DPP10: variants seen among roughly 807,000 people sequenced by gnomAD.
The protein encoded by DPP10 is dipeptidyl peptidase like 10.
DPP10 carries 33 observed loss-of-function variants against 120.9 expected under a neutral mutation model. The ratio of observed to expected loss-of-function variants is 0.27; its 90% CI spans 0.21 to 0.37. The LOEUF is 0.37. Ranked by LOEUF, DPP10 falls within the 10% of genes least tolerant of loss-of-function variation. The probability of loss-of-function intolerance (pLI) is 1.00; values close to 1 mark genes in which losing one functional copy is unlikely to be tolerated. For missense variants in DPP10, 816 were observed against 942.8 expected, an observed-to-expected ratio of 0.87 and a Z score of 1.76; for synonymous variants, 337 against 326.1, an observed-to-expected ratio of 1.03 and a Z score of -0.36.
intron 5 of DPP10, among the ~76,000 whole-genome samples, chr2:115,538,800 T>G (rs1170148184): frequency 6.6e-6 from 1 of 152,006 alleles, no homozygotes; most frequent in African/African-American, 2.4e-5. Flanking sequence ...ACCAGCCACA[T>G]GTGTCTATTG....
At chr2:114,956,137 A>G (rs546900905) in intron 1 of DPP10, among the ~76,000 whole-genome samples, 4 of 152,168 alleles carry the variant, frequency 2.6e-5, no homozygotes, top group Non-Finnish European at 5.9e-5. Flanking sequence ...TTCAAAAAGG[A>G]AAATAAAGAG....
chr2:114,451,474 G>A (rs895356362), intron 1 of DPP10, among the ~76,000 whole-genome samples: 2 of 152,010 alleles, frequency 1.3e-5, no homozygotes, highest in Admixed American at 1.3e-4. Flanking sequence ...GGGAAGGGAG[G>A]CATTCACAAA....
chr2:115,298,812 C>G, intron 1 of DPP10, among the ~76,000 whole-genome samples: 1 of 151,944 alleles, frequency 6.6e-6, no homozygotes, highest in Non-Finnish European at 1.5e-5. Context: ...TCCTACTGGT[C>G]CATGGACTGC....
intron 1 of DPP10, among the ~76,000 whole-genome samples, chr2:114,977,737 C>A (rs1290557324): frequency 6.6e-6 from 1 of 152,086 alleles, no homozygotes; most frequent in Non-Finnish European, 1.5e-5. Flanking sequence ...TGGTTTACTT[C>A]TAGTATTCTT....
intron 1 of DPP10, among the ~76,000 whole-genome samples, chr2:114,580,437 C>T (rs1690403141): frequency 6.6e-6 from 1 of 152,174 alleles, no homozygotes; most frequent in African/African-American, 2.4e-5. Context: ...AAATGGTTCT[C>T]TATTTTCAAC....
chr2:115,076,686 T>C (rs1432220174), intron 1 of DPP10, among the ~76,000 whole-genome samples: 1 of 152,206 alleles, frequency 6.6e-6, no homozygotes, highest in Non-Finnish European at 1.5e-5. Flanking sequence ...ACTAATTCAT[T>C]CCAAGTTCTA....
chr2:114,534,235 T>A (rs1427489832), intron 1 of DPP10, among the ~76,000 whole-genome samples: 5 of 152,204 alleles, frequency 3.3e-5, no homozygotes, highest in Non-Finnish European at 5.9e-5. Context: ...CATAGCTTTA[T>A]GTTCCTTTTT....
At chr2:115,399,294 TTC>T (rs1184155335) in intron 3 of DPP10, among the ~76,000 whole-genome samples, 2 of 152,306 alleles carry the variant, frequency 1.3e-5, no homozygotes, top group East Asian at 3.9e-4. Flanking sequence ...GGATAATTAT[TTC>T]TGTTTCTTTT....
chr2:115,183,640 T>G (rs1459456504), intron 1 of DPP10, among the ~76,000 whole-genome samples: 1 of 152,236 alleles, frequency 6.6e-6, no homozygotes, highest in East Asian at 1.9e-4. Flanking sequence ...GATTGGTATT[T>G]ATAATATCTT....
chr2:114,581,173 C>CTT lies in DPP10; in HGVS notation c.60+138361_60+138362dup, dbSNP rs70937291. On this transcript the variant is annotated intron_variant, in intron 1 of 25. Coordinates refer to ENST00000410059, the MANE Select transcript of DPP10 (RefSeq NM_020868.6). ...AAACATCATTTTCTTTTTTTCTTCT[C>CTT]TTTTTTTTTTTTTTTTTTTTTTTTT... Among the ~76,000 whole-genome samples, 29 of 77,898 alleles carry CTT rather than the reference C, an allele frequency of 3.7e-4. 1 individual carries two copies. The highest frequency in any genetic ancestry group is 1.8e-3 in the South Asian group (3 of 1,694). 51.1% of individuals were successfully genotyped at this position (77,898 alleles called of 152,430 possible). A position where few individuals can be genotyped will look rare whatever the true frequency, so the allele number is the denominator to read the frequency against.
intron 3 of DPP10, among the ~76,000 whole-genome samples, chr2:115,386,225 C>CA (rs2066920385): frequency 6.6e-6 from 1 of 151,982 alleles, no homozygotes; most frequent in Non-Finnish European, 1.5e-5. Context: ...TGCCCCAAGT[C>CA]AAACTAAAAT....
chr2:114,918,823 C>T (rs1185568622), intron 1 of DPP10, among the ~76,000 whole-genome samples: 1 of 151,874 alleles, frequency 6.6e-6, no homozygotes, highest in East Asian at 1.9e-4. Flanking sequence ...AGGGTGAGGA[C>T]CGTAAAACTA....
At chr2:114,505,951 C>G (rs1683619035) in intron 1 of DPP10, among the ~76,000 whole-genome samples, 1 of 152,198 alleles carries the variant, frequency 6.6e-6, no homozygotes, top group African/African-American at 2.4e-5. Context: ...ATTCTACTTT[C>G]TTTCCAAAGC....
chr2:115,796,580 T>C (rs143592562), intron 19 of DPP10, among the ~76,000 whole-genome samples: 2,771 of 152,242 alleles, frequency 0.018, 86 homozygotes, highest in African/African-American at 0.061. Context: ...AATTTAGTTT[T>C]GTACTCAGAA....
chr2:115,657,688 A>G (rs1482061424), intron 5 of DPP10, among the ~76,000 whole-genome samples: 1 of 151,912 alleles, frequency 6.6e-6, no homozygotes, highest in Admixed American at 6.6e-5. Context: ...TTTTTGAGCA[A>G]CCTAAATGCG....
At chr2:114,801,351 GTA>G (rs2106282417) in intron 1 of DPP10, among the ~76,000 whole-genome samples, 1 of 152,166 alleles carries the variant, frequency 6.6e-6, no homozygotes, top group Non-Finnish European at 1.5e-5. Context: ...TCTAGGAGGT[GTA>G]ACTGATTCTA....
At position 114,459,014 on chromosome 2, in the gene DPP10, T is replaced by G. The variant is rs550713060; in HGVS notation, c.60+16176T>G. 2.6e-5 allele frequency among the ~76,000 whole-genome samples: 4 copies of G among 152,334 alleles called. No individual in the cohort carries two copies. In the East Asian group the frequency reaches 5.8e-4, roughly 22 times the overall value. ...GATTGATTGTCTTCTGACTGATATT[T>G]TACTATATTCCTAACATGGGTCTGA... On this transcript the variant is annotated intron_variant, in intron 1 of 25. Transcript: ENST00000410059.
chr2:115,489,501 T>C (rs1443325810), intron 3 of DPP10, among the ~76,000 whole-genome samples: 1 of 151,204 alleles, frequency 6.6e-6, no homozygotes, highest in Non-Finnish European at 1.5e-5. Flanking sequence ...AAAATAGAGA[T>C]CACAAGAATA....
At chr2:114,772,598 T>C (rs1681367230) in intron 1 of DPP10, among the ~76,000 whole-genome samples, 1 of 152,182 alleles carries the variant, frequency 6.6e-6, no homozygotes, top group Admixed American at 6.5e-5. Flanking sequence ...TCTCCGTAAT[T>C]ATTGTACTTT....
Sources: gnomAD v4.1 joint callset for allele counts (sites outside exome capture counted in the v4.1 genomes callset) on GRCh38, gnomAD v4.1.1 for gene constraint, MANE v1.5 for transcripts, NCBI Gene and HGNC (gene_info 2026-07-23, HGNC 2026-07-21) for gene names.